Variants in PLVAP observed in about 807,000 individuals in gnomAD.
PLVAP encodes plasmalemma vesicle-associated protein.
PLVAP carries 34 observed loss-of-function variants against 43.1 expected under a neutral mutation model. The ratio of observed to expected loss-of-function variants is 0.79; its 90% confidence interval spans 0.60 to 1.05. The LOEUF is 1.05. Ranked by LOEUF, PLVAP falls within the 50% of genes least tolerant of loss-of-function variation. The pLI, the probability that PLVAP is intolerant of heterozygous loss-of-function variation, is 0.00. For missense variants in PLVAP, 574 were observed against 593.4 expected (o/e 0.97, Z 0.34); for synonymous variants, 241 against 237.3 (o/e 1.02, Z -0.14).
intron 1 of PLVAP, among the ~76,000 whole-genome samples, chr19:17,374,963 C>T (rs1031623282): frequency 3.3e-5 from 5 of 152,022 alleles, no homozygotes; most frequent in African/African-American, 1.2e-4. Context: ...GGACTACAGG[C>T]ACATACCACC....
At chr19:17,372,102 A>AG (rs1440700078) in intron 1 of PLVAP, among the ~76,000 whole-genome samples, 10 of 148,452 alleles carry the variant, frequency 6.7e-5, no homozygotes, top group Non-Finnish European at 1.2e-4. Flanking sequence ...AAAAAAAAAA[A>AG]GGATGTGATT....
At chr19:17,363,992 C>T (rs1316439801) in intron 3 of PLVAP, among the ~76,000 whole-genome samples, 2 of 151,986 alleles carry the variant, frequency 1.3e-5, no homozygotes, top group Non-Finnish European at 2.9e-5. Flanking sequence ...ATGATCCACC[C>T]ACCTCGGCCG....
Position 17,363,280 on chromosome 19 carries a change from C to T in PLVAP, c.1179+2006G>A, listed in dbSNP as rs533623000. On this transcript the variant is annotated intron_variant, in intron 3 of 5. Transcript: ENST00000252590. ...CTGGGTTCCGGCGATTCTCATGCCT[C>T]AGCCTCCCAAGAAGCAGCTGGGATA... Among the ~76,000 whole-genome samples the T allele has an allele frequency of 4.6e-5, 7 of 152,254 alleles. No homozygotes were observed. In the South Asian group the frequency reaches 1.5e-3, roughly 32 times the overall value.
In PLVAP at chr19:17,360,597, A is replaced by G. The variant is rs2074524005; in HGVS notation, c.1253T>C (p.Leu418Pro). The change falls in exon 5 of 6, where the codon CTG becomes CCG. Residue 418 changes from leucine (L) to proline (P), a missense_variant. Leu to Pro is a moderately conservative substitution (Grantham distance 98). Coordinates refer to ENST00000252590, the MANE Select transcript of PLVAP (RefSeq NM_031310.3). ...CAGGATCTTCCTCTTGAACTCCTCCAGGCTAGCTGGGTCTGTGGAGGGAGA... is the reference window on the plus strand; with the variant it reads ...CAGGATCTTCCTCTTGAACTCCTCCGGGCTAGCTGGGTCTGTGGAGGGAGA... ...PNPQPIDPAS[L>P]EEFKRKILES... 1 of 1,613,018 alleles carries G rather than the reference A, an allele frequency of 6.2e-7. No individual in the cohort carries two copies. Among genetic ancestry groups the G allele is most frequent in the Non-Finnish European group, 8.5e-7 (1 of 1,179,500 alleles).
rs149679665 is a variant in PLVAP at position 17,360,824 on chromosome 19, C to T, written c.1188G>A (p.Pro396=). 1.6e-4 allele frequency: 262 copies of T among 1,613,488 alleles called. No individual in the cohort carries two copies. The highest frequency in any genetic ancestry group is 2.1e-4 in the Non-Finnish European group (250 of 1,179,630). Residue 396 remains proline, a synonymous_variant, in exon 4 of 6, where the codon CCG becomes CCA. Transcript: ENST00000252590. ...LDTCIKTKSQ[P]MMPVSRPMGP... The stretch of plus-strand genomic sequence containing the variant: ...CCATGGGCCTTGACACTGGCATCAT[C>T]GGCTGCGACTGTGAAAGAAAGATGG...
rs139092467 is a variant in PLVAP at position 17,365,642 on chromosome 19, T to A, written c.823A>T (p.Met275Leu). 2 of 1,613,632 alleles carry A rather than the reference T, an allele frequency of 1.2e-6. No homozygotes were observed. Among genetic ancestry groups the A allele is most frequent in the East Asian group, 2.2e-5 (1 of 44,890 alleles). ...ACCTTGGAGCTCATGAGGCTGGGCA[T>A]GTGGTCGCAGGCTCTGCGGATGGAG... ...LASIRRACDHMPSLMSSKVEE... is the reference protein window; with the variant it reads ...LASIRRACDHLPSLMSSKVEE... The change falls in exon 3 of 6, where the codon ATG (methionine) becomes TTG (leucine). Residue 275 changes from methionine (M) to leucine (L), a missense_variant. Transcript: ENST00000252590.
intron 3 of PLVAP, among the ~76,000 whole-genome samples, chr19:17,363,998 G>A (rs1012262777): frequency 2.6e-5 from 4 of 151,754 alleles, no homozygotes; most frequent in African/African-American, 9.7e-5. Flanking sequence ...CACCCACCTC[G>A]GCCGCCCAAA....
chr19:17,372,102 A>AC (rs1491146071), intron 1 of PLVAP, among the ~76,000 whole-genome samples: 2 of 148,452 alleles, frequency 1.3e-5, no homozygotes, highest in Non-Finnish European at 3.0e-5. Context: ...AAAAAAAAAA[A>AC]GGATGTGATT....
intron 1 of PLVAP, 93 bp downstream of exon 1, chr19:17,376,827 C>T (rs1302904348): frequency 6.5e-6 from 8 of 1,223,064 alleles, no homozygotes; most frequent in South Asian, 5.8e-5. Flanking sequence ...GTCCTGTGAT[C>T]GTCCCCCTCT....
chr19:17,355,374 C>T (rs576960639), intron 5 of PLVAP, among the ~76,000 whole-genome samples: 1 of 151,934 alleles, frequency 6.6e-6, no homozygotes, highest in Non-Finnish European at 1.5e-5. Context: ...ATTTAAAAAA[C>T]GTTTTAGAGG....
chr19:17,361,545 AC>A (rs1405652150), intron 3 of PLVAP, among the ~76,000 whole-genome samples: 3 of 151,832 alleles, frequency 2.0e-5, no homozygotes, highest in Non-Finnish European at 4.4e-5. Context: ...GACTAACTGG[AC>A]CCCGATCCTA....
At chr19:17,359,693 C>CTTTTTTTTTTTTT (rs10617408) in intron 5 of PLVAP, among the ~76,000 whole-genome samples, 4 of 116,154 alleles carry the variant, frequency 3.4e-5, no homozygotes, top group East Asian at 2.8e-4. Flanking sequence ...TACCCGGCCT[C>CTTTTTTTTTTTTT]TTTTTTTTTT....
In PLVAP at chr19:17,352,197, G is replaced by C. The variant is rs906687323; in HGVS notation, c.*165C>G. 1.1e-6 allele frequency: 1 copy of C among 911,132 alleles called. No homozygotes were observed. Among genetic ancestry groups the C allele is most frequent in the South Asian group, 1.6e-5 (1 of 63,456 alleles). The allele number at this position is 911,132 out of a possible 1,614,324, so 56.4% of individuals were successfully genotyped here. A position where few individuals can be genotyped will look rare whatever the true frequency, so the allele number is the denominator to read the frequency against. ...GAGGGATCGTGAGGCGCGGGTGCGG[G>C]TGTGAGAGGGTACTAGGGGTTTGCA... On this transcript the variant is annotated 3_prime_UTR_variant, in exon 6 of 6. Transcript: ENST00000252590.
chr19:17,361,402 G>A (rs2074527921), intron 3 of PLVAP, among the ~76,000 whole-genome samples: 1 of 152,180 alleles, frequency 6.6e-6, no homozygotes, highest in East Asian at 1.9e-4. Context: ...CAGTCCTGAG[G>A]CCCCATGCTG....
chr19:17,364,330 C>T (rs2145722187), intron 3 of PLVAP, among the ~76,000 whole-genome samples: 1 of 152,140 alleles, frequency 6.6e-6, no homozygotes, highest in Non-Finnish European at 1.5e-5. Context: ...GGCAATCCAC[C>T]TGCCTCCGCC....
intron 3 of PLVAP, 126 bp downstream of exon 3, chr19:17,365,160 T>C: frequency 3.9e-6 from 3 of 778,584 alleles, no homozygotes; most frequent in Non-Finnish European, 6.1e-6. Context: ...TCCTAGAGAG[T>C]TGTAACTCAC....
intron 5 of PLVAP, among the ~76,000 whole-genome samples, chr19:17,356,993 G>T (rs2074509306): frequency 6.6e-6 from 1 of 151,642 alleles, no homozygotes; most frequent in Non-Finnish European, 1.5e-5. Flanking sequence ...AGAAGTAAGA[G>T]TGGAGGCCGG....
chr19:17,376,468 G>A (rs2074595624), intron 1 of PLVAP, among the ~76,000 whole-genome samples: 1 of 151,528 alleles, frequency 6.6e-6, no homozygotes, highest in Non-Finnish European at 1.5e-5. Context: ...ATCCAGCCCA[G>A]GATACACATG....
chr19:17,362,037 A>G (rs2074530875), intron 3 of PLVAP: 1 of 152,260 alleles, frequency 6.6e-6, no homozygotes. Flanking sequence ...CAGTGAGCCA[A>G]GATTGTACCA....
Sources: gnomAD v4.1 joint callset for allele counts (sites outside exome capture counted in the v4.1 genomes callset) on GRCh38, gnomAD v4.1.1 for gene constraint, MANE v1.5 for transcripts, NCBI Gene and HGNC (gene_info 2026-07-23, HGNC 2026-07-21) for gene names.